SOX5: variants seen among roughly 807,000 people sequenced by gnomAD.
SOX5 encodes SRY-box transcription factor 5.
A neutral mutation model predicts 92.0 loss-of-function variants in SOX5; 9 were observed. The observed-to-expected ratio is 0.10, with a 90% CI of 0.06 to 0.17. The LOEUF (loss-of-function observed/expected upper bound fraction) is 0.17, where lower values mean the gene tolerates loss of function less well. Among genes scored for constraint, SOX5 ranks in the 10% least tolerant of loss-of-function variants. The pLI is 1.00. For synonymous variants in SOX5, 344 were observed against 336.3 expected, an observed-to-expected ratio of 1.02 and a Z score of -0.25; for missense variants, 642 against 944.5, an observed-to-expected ratio of 0.68 and a Z score of 4.20.
intron 1 of SOX5, among the ~76,000 whole-genome samples, chr12:24,519,719 T>C (rs1414796503): frequency 6.6e-6 from 1 of 152,174 alleles, no homozygotes; most frequent in Non-Finnish European, 1.5e-5. Flanking sequence ...ATAATTTAGC[T>C]ATTGATCCAT....
chr12:24,184,242 A>C (rs1385263467), intron 4 of SOX5, among the ~76,000 whole-genome samples: 1 of 152,178 alleles, frequency 6.6e-6, no homozygotes, highest in Non-Finnish European at 1.5e-5. Context: ...ATTCTACCTT[A>C]TTTGATAGTA....
chr12:23,987,571 T>C (rs374541396), intron 4 of SOX5, among the ~76,000 whole-genome samples: 7 of 152,264 alleles, frequency 4.6e-5, no homozygotes, highest in South Asian at 2.1e-4. Context: ...GGTGGGCGGA[T>C]AGCTTTAGTC....
intron 1 of SOX5, among the ~76,000 whole-genome samples, chr12:24,404,582 T>C (rs1204319397): frequency 6.6e-6 from 1 of 152,178 alleles, no homozygotes; most frequent in South Asian, 2.1e-4. Context: ...CCTGGTTTGA[T>C]TGTTTAAAAG....
Position 23,541,253 on chromosome 12 carries a change from CTTATAG to C in SOX5, c.1771+1952_1771+1957del, listed in dbSNP as rs535975914. Among the ~76,000 whole-genome samples, 253 of 152,180 alleles carry C rather than the reference CTTATAG, an allele frequency of 1.7e-3. 1 individual carries two copies. Among genetic ancestry groups the C allele is most frequent in the Middle Eastern group, 0.014 (4 of 292 alleles). On this transcript the variant is annotated intron_variant, in intron 13 of 14. Coordinates refer to ENST00000451604, the MANE Select transcript of SOX5 (RefSeq NM_006940.6). Reference sequence around the variant, plus strand: ...TCTTATCATCAAAACTGATATTTCTCTTATAGTTAAGATAGTTTTAATTAATGATTA... The same window carrying C: ...TCTTATCATCAAAACTGATATTTCTCTTAAGATAGTTTTAATTAATGATTA...
chr12:24,291,871 AT>A (rs1946658123), intron 2 of SOX5, among the ~76,000 whole-genome samples: 1 of 152,210 alleles, frequency 6.6e-6, no homozygotes, highest in Non-Finnish European at 1.5e-5. Flanking sequence ...AGTGTTGCCT[AT>A]ATAAAAGGAA....
intron 3 of SOX5, chr12:24,227,361 A>G (rs1239347473): frequency 6.6e-6 from 1 of 152,206 alleles, no homozygotes; most frequent in Admixed American, 6.5e-5. Context: ...AAAGTCTGAG[A>G]AATCTCTGAG....
intron 1 of SOX5, among the ~76,000 whole-genome samples, chr12:24,395,720 A>G (rs569852864): frequency 1.0e-3 from 154 of 152,340 alleles, no homozygotes; most frequent in African/African-American, 3.6e-3. Flanking sequence ...GCTAGAAATA[A>G]ATAACTTACA....
chr12:23,886,391 G>A (rs2097065914), intron 2 of SOX5, among the ~76,000 whole-genome samples: 1 of 152,150 alleles, frequency 6.6e-6, no homozygotes, highest in African/African-American at 2.4e-5. Context: ...ACAATAGGTA[G>A]TTGAATCTAA....
chr12:24,343,355 C>A (rs1474789622), intron 2 of SOX5, among the ~76,000 whole-genome samples: 1 of 150,948 alleles, frequency 6.6e-6, no homozygotes, highest in African/African-American at 2.4e-5. Flanking sequence ...CCCTACATCC[C>A]CTTGCTCCAA....
intron 6 of SOX5, among the ~76,000 whole-genome samples, chr12:23,668,536 ATAGGGT>A (rs1271214058): frequency 6.6e-6 from 1 of 152,214 alleles, no homozygotes; most frequent in African/African-American, 2.4e-5. Flanking sequence ...CTAACTTGGT[ATAGGGT>A]TAGTAATTCA....
intron 1 of SOX5, among the ~76,000 whole-genome samples, chr12:24,519,487 GA>G (rs1443731345): frequency 1.3e-5 from 2 of 150,542 alleles, no homozygotes; most frequent in Non-Finnish European, 3.0e-5. Context: ...ATAGATTTGA[GA>G]AAAAAAAACT....
chr12:24,424,618 A>C (rs996979581), intron 1 of SOX5, among the ~76,000 whole-genome samples: 21 of 152,028 alleles, frequency 1.4e-4, no homozygotes, highest in Admixed American at 5.2e-4. Flanking sequence ...ACTGCTAAAA[A>C]TCTGTTGTAA....
At chr12:24,043,908 C>A (rs558636514) in intron 4 of SOX5, among the ~76,000 whole-genome samples, 2 of 152,260 alleles carry the variant, frequency 1.3e-5, no homozygotes, top group East Asian at 3.9e-4. Flanking sequence ...CATCACGTAT[C>A]ATAATTTTCA....
chr12:24,307,825 CAA>C (rs1234694604), intron 2 of SOX5, among the ~76,000 whole-genome samples: 4 of 146,700 alleles, frequency 2.7e-5, no homozygotes, highest in Non-Finnish European at 4.5e-5. Flanking sequence ...GTTTGTACTT[CAA>C]GCCTCATTCT....
chr12:24,538,849 CTT>C (rs1005790647), intron 1 of SOX5, among the ~76,000 whole-genome samples: 9 of 152,074 alleles, frequency 5.9e-5, no homozygotes, highest in African/African-American at 2.4e-5. Flanking sequence ...CTAAATCTAT[CTT>C]TATCAATGGG....
intron 4 of SOX5, among the ~76,000 whole-genome samples, chr12:24,168,885 C>G (rs1202520210): frequency 6.6e-6 from 1 of 151,850 alleles, no homozygotes; most frequent in African/African-American, 2.4e-5. Context: ...CAAATGTGTC[C>G]ATATAGATTA....
At chr12:23,700,860 A>C (rs1341409014) in intron 6 of SOX5, among the ~76,000 whole-genome samples, 1 of 151,924 alleles carries the variant, frequency 6.6e-6, no homozygotes, top group Non-Finnish European at 1.5e-5. Flanking sequence ...TTTTTATTAT[A>C]TTGATAGCTA....
At chr12:24,401,893 C>A (rs1365507257) in intron 1 of SOX5, among the ~76,000 whole-genome samples, 1 of 152,032 alleles carries the variant, frequency 6.6e-6, no homozygotes, top group Non-Finnish European at 1.5e-5. Flanking sequence ...TTAGCCTCAC[C>A]TATTTCTAGC....
At chr12:24,417,189 G>C (rs181333636) in intron 1 of SOX5, among the ~76,000 whole-genome samples, 1 of 152,326 alleles carries the variant, frequency 6.6e-6, no homozygotes, top group African/African-American at 2.4e-5. Context: ...TACGAGACTG[G>C]ACAGAGTGAG....
Sources: allele counts gnomAD v4.1 joint callset (sites outside exome capture counted in the v4.1 genomes callset), GRCh38; gene constraint gnomAD v4.1.1; transcripts MANE v1.5; gene names NCBI Gene and HGNC (gene_info 2026-07-23, HGNC 2026-07-21).